RP1: variants seen among roughly 807,000 people sequenced by gnomAD.
RP1 encodes the protein RP1 axonemal microtubule associated.
Under a neutral mutation model 14.8 loss-of-function variants are expected in RP1, and 16 were observed. The ratio of observed to expected loss-of-function variants is 1.08; its 90% CI spans 0.73 to 1.65. RP1 has a LOEUF of 1.65. RP1 is among the 40% of genes most tolerant of loss of function. RP1 has a pLI of 0.00. For synonymous variants in RP1, 876 were observed against 883.6 expected (o/e 0.99, Z 0.15); for missense variants, 2,631 against 2,535.0 (o/e 1.04, Z -0.81).
chr8:54,677,171 T>C (rs1441962978), intron 8 of RP1, among the ~76,000 whole-genome samples: 1 of 151,804 alleles, frequency 6.6e-6, no homozygotes, highest in Non-Finnish European at 1.5e-5. Context: ...CTGAAAATCC[T>C]GCATCCTGGG....
intron 12 of RP1, chr8:54,696,401 G>A: frequency 4.4e-6 from 3 of 675,376 alleles, no homozygotes; most frequent in Non-Finnish European, 7.8e-6. Flanking sequence ...TAGAAAGATG[G>A]CGGAGCAAGA....
chr8:54,653,051 C>T (rs1806688308), intron 5 of RP1, among the ~76,000 whole-genome samples: 1 of 152,220 alleles, frequency 6.6e-6, no homozygotes, highest in East Asian at 1.9e-4. Context: ...GAGGGAGGCA[C>T]CTTAACCAAG....
intron 22 of RP1, chr8:54,769,731 T>C: frequency 6.6e-7 from 1 of 1,504,918 alleles, no homozygotes; most frequent in Non-Finnish European, 8.9e-7. Context: ...CTCTCTCTCT[T>C]TTTCCTCAGA....
At chr8:54,597,813 G>A (rs886747004) in intron 1 of RP1, among the ~76,000 whole-genome samples, 1 of 152,142 alleles carries the variant, frequency 6.6e-6, no homozygotes. Context: ...AGATAGATTA[G>A]TGGTTGCTTT....
At chr8:54,802,841 A>T (rs1810745956) in intron 24 of RP1, among the ~76,000 whole-genome samples, 1 of 152,174 alleles carries the variant, frequency 6.6e-6, no homozygotes, top group Non-Finnish European at 1.5e-5. Context: ...CAGAGAAAGG[A>T]TCTACAGTTC....
chr8:54,579,488 C>A (rs1434969907), intron 1 of RP1, among the ~76,000 whole-genome samples: 3 of 152,272 alleles, frequency 2.0e-5, no homozygotes, highest in South Asian at 4.1e-4. Flanking sequence ...ATTTCCCCCC[C>A]AGTAGATGGG....
chr8:54,758,411 T>G (rs1235884622), intron 21 of RP1, among the ~76,000 whole-genome samples: 1 of 130,730 alleles, frequency 7.6e-6, no homozygotes, highest in African/African-American at 2.9e-5. Flanking sequence ...TATTTTCATC[T>G]ACAGAGGAAG....
intron 3 of RP1, among the ~76,000 whole-genome samples, chr8:54,646,231 A>C (rs960984818): frequency 4.4e-5 from 5 of 114,078 alleles, no homozygotes; most frequent in African/African-American, 8.4e-5. Flanking sequence ...CTTTCTGCTG[A>C]TGTTTCTTTT....
intron 24 of RP1, among the ~76,000 whole-genome samples, chr8:54,787,356 C>T (rs780227447): frequency 3.3e-5 from 5 of 152,000 alleles, no homozygotes; most frequent in Admixed American, 3.3e-4. Flanking sequence ...CTGTTTATTG[C>T]CTGACATAGA....
At chr8:54,622,386 AC>A in intron 3 of RP1, 98 bp downstream of exon 3, 1 of 983,334 alleles carries the variant, frequency 1.0e-6, no homozygotes, top group Non-Finnish European at 1.6e-6. Flanking sequence ...AGTTTCTTCC[AC>A]CACAGAAACG....
intron 24 of RP1, among the ~76,000 whole-genome samples, chr8:54,794,669 A>G (rs1183500551): frequency 2.0e-5 from 3 of 152,168 alleles, no homozygotes; most frequent in African/African-American, 7.2e-5. Flanking sequence ...TGTTTTGGCA[A>G]TGATGTTTTT....
At chr8:54,762,693 A>C (rs1016745083) in intron 22 of RP1, among the ~76,000 whole-genome samples, 1 of 152,192 alleles carries the variant, frequency 6.6e-6, no homozygotes, top group African/African-American at 2.4e-5. Context: ...ATTTGATTGC[A>C]TTGAACAACT....
intron 3 of RP1, among the ~76,000 whole-genome samples, chr8:54,624,405 A>G (rs1342781248): frequency 7.3e-6 from 1 of 136,156 alleles, no homozygotes; most frequent in Middle Eastern, 4.5e-3. Context: ...AGATCACGCC[A>G]CTGCATTCCA....
intron 28 of RP1, among the ~76,000 whole-genome samples, chr8:54,866,458 C>T (rs956370477): frequency 6.6e-6 from 1 of 152,164 alleles, no homozygotes; most frequent in African/African-American, 2.4e-5. Context: ...AGGTGAATCT[C>T]TTAAACTTCT....
chr8:54,789,853 C>A (rs1810417993), intron 24 of RP1, among the ~76,000 whole-genome samples: 1 of 152,128 alleles, frequency 6.6e-6, no homozygotes, highest in African/African-American at 2.4e-5. Flanking sequence ...ACCCAATAAC[C>A]CTGCTGAACT....
intron 24 of RP1, among the ~76,000 whole-genome samples, chr8:54,791,726 A>T (rs1426756949): frequency 1.3e-5 from 2 of 152,108 alleles, no homozygotes; most frequent in African/African-American, 4.8e-5. Context: ...TACACAAAAG[A>T]TTAAGAGACA....
At chr8:54,607,042 C>G (rs765749000) in intron 1 of RP1, among the ~76,000 whole-genome samples, 10 of 152,216 alleles carry the variant, frequency 6.6e-5, no homozygotes, top group Non-Finnish European at 1.2e-4. Context: ...CTTCTCTCAA[C>G]TCGTCAAAGT....
intron 1 of RP1, among the ~76,000 whole-genome samples, 184 bp downstream of exon 1, chr8:54,616,386 T>C (rs1022249443): frequency 1.6e-4 from 24 of 152,246 alleles, no homozygotes; most frequent in Admixed American, 6.5e-4. Flanking sequence ...AATATGCTGA[T>C]ATTGAAATAG....
chr8:54,682,199 G>T (rs1242543350), intron 12 of RP1, among the ~76,000 whole-genome samples: 2 of 151,700 alleles, frequency 1.3e-5, no homozygotes, highest in Non-Finnish European at 2.9e-5. Context: ...AACCTCACCA[G>T]CATCTGTTGT....
Sources: allele counts gnomAD v4.1 joint callset (sites outside exome capture counted in the v4.1 genomes callset), GRCh38; gene constraint gnomAD v4.1.1; transcripts MANE v1.5; gene names NCBI Gene and HGNC (gene_info 2026-07-23, HGNC 2026-07-21).